Variants in KCNIP4 observed in about 807,000 individuals in gnomAD.
The protein encoded by KCNIP4 is potassium voltage-gated channel interacting protein 4, also known as Kv channel-interacting protein 4.
In KCNIP4, 12 loss-of-function variants were observed where a neutral mutation model predicts 34.0. The ratio of observed to expected loss-of-function variants is 0.35; its 90% CI spans 0.23 to 0.57. The LOEUF is 0.57. KCNIP4 is among the 20% of genes least tolerant of loss of function. The pLI is 0.83. For synonymous variants in KCNIP4, 124 were observed against 102.2 expected (o/e 1.21, Z -1.29); for missense variants, 238 against 311.7 (o/e 0.76, Z 1.78).
chr4:21,557,429 A>G (rs1739157046), intron 1 of KCNIP4, among the ~76,000 whole-genome samples: 4 of 152,176 alleles, frequency 2.6e-5, no homozygotes, highest in African/African-American at 7.2e-5. Flanking sequence ...TGACATGGCT[A>G]TGTAAAAAAC....
At chr4:21,116,196 G>C (rs1749661717) in intron 1 of KCNIP4, among the ~76,000 whole-genome samples, 1 of 152,172 alleles carries the variant, frequency 6.6e-6, no homozygotes, top group African/African-American at 2.4e-5. Context: ...CTTGAAGAGT[G>C]CCCTCCAAAC....
At chr4:21,708,849 T>C (rs1186245228) in intron 1 of KCNIP4, among the ~76,000 whole-genome samples, 1 of 152,156 alleles carries the variant, frequency 6.6e-6, no homozygotes, top group Non-Finnish European at 1.5e-5. Context: ...TTTTACAATA[T>C]TTTACATTGC....
chr4:21,093,970 T>C (rs1386795151), intron 1 of KCNIP4, among the ~76,000 whole-genome samples: 1 of 151,860 alleles, frequency 6.6e-6, no homozygotes, highest in Non-Finnish European at 1.5e-5. Context: ...TAGTCCCAGC[T>C]ACTCAGGAGG....
At chr4:21,775,779 G>C (rs907151926) in intron 1 of KCNIP4, among the ~76,000 whole-genome samples, 4 of 152,204 alleles carry the variant, frequency 2.6e-5, no homozygotes, top group Non-Finnish European at 5.9e-5. Flanking sequence ...CAAGCCTTGG[G>C]ACCAAGCCAT....
chr4:21,556,399 A>G lies in KCNIP4; in HGVS notation c.61+392172T>C, dbSNP rs140520820. On this transcript the variant is annotated intron_variant, in intron 1 of 8. Transcript: ENST00000382152. ...CCATTCCCACAGTTGATTACTTTTC[A>G]GAGATGAACAACAAAGTCAATGCTT... Among the ~76,000 whole-genome samples the G allele has an allele frequency of 1.8e-3, 275 of 152,298 alleles. 1 individual carries two copies. The highest frequency in any genetic ancestry group is 6.4e-3 in the African/African-American group (268 of 41,574).
chr4:21,153,515 G>GTATATATATATATATATA (rs59614946), intron 1 of KCNIP4, among the ~76,000 whole-genome samples: 2 of 140,906 alleles, frequency 1.4e-5, no homozygotes, highest in East Asian at 2.1e-4. Context: ...ATGTGTGTGT[G>GTATATATATATATATATA]TATATATATA....
intron 1 of KCNIP4, among the ~76,000 whole-genome samples, chr4:20,995,049 G>A (rs193155161): frequency 1.3e-5 from 2 of 152,172 alleles, no homozygotes; most frequent in Admixed American, 1.3e-4. Context: ...GATTTTCCTG[G>A]AGTAAGTTTA....
chr4:21,690,148 T>TAC (rs1023219502), intron 1 of KCNIP4, among the ~76,000 whole-genome samples: 4 of 147,844 alleles, frequency 2.7e-5, no homozygotes, highest in Admixed American at 1.4e-4. Flanking sequence ...TATATATATA[T>TAC]ACACACACAC....
rs142571219 is a variant in KCNIP4 at position 20,975,940 on chromosome 4, C to T, written c.62-93231G>A. On this transcript the variant is annotated intron_variant, in intron 1 of 8. Transcript: ENST00000382152. ...AATGTTTTATTAGAACATGGCCACA[C>T]CTATCTGTTTGCATATTATCTACGG... 4.2e-3 allele frequency among the ~76,000 whole-genome samples: 645 copies of T among 152,250 alleles called. 6 individuals carry two copies. Among genetic ancestry groups the T allele is most frequent in the African/African-American group, 0.014 (588 of 41,528 alleles).
At chr4:20,815,097 A>C (rs1352602369) in intron 3 of KCNIP4, among the ~76,000 whole-genome samples, 2 of 152,168 alleles carry the variant, frequency 1.3e-5, no homozygotes, top group Non-Finnish European at 2.9e-5. Context: ...CTGGCTGATC[A>C]ACTTAATCAT....
chr4:21,293,790 C>A (rs1763680534), intron 1 of KCNIP4, among the ~76,000 whole-genome samples: 1 of 152,144 alleles, frequency 6.6e-6, no homozygotes, highest in Admixed American at 6.5e-5. Flanking sequence ...TAAAATTGGG[C>A]ATGGAAGTTA....
chr4:21,686,773 T>A (rs986609545), intron 1 of KCNIP4, among the ~76,000 whole-genome samples: 9 of 152,104 alleles, frequency 5.9e-5, no homozygotes, highest in Non-Finnish European at 1.2e-4. Flanking sequence ...GTAGCCAAGA[T>A]CAGAAGTGAT....
intron 3 of KCNIP4, among the ~76,000 whole-genome samples, chr4:20,787,433 CT>C (rs2149400144): frequency 6.6e-6 from 1 of 152,098 alleles, no homozygotes; most frequent in Admixed American, 6.6e-5. Flanking sequence ...ATTTTCTTTT[CT>C]GTCTGCAATT....
intron 1 of KCNIP4, among the ~76,000 whole-genome samples, chr4:21,500,580 G>T (rs1016439243): frequency 1.3e-5 from 2 of 152,108 alleles, no homozygotes; most frequent in African/African-American, 4.8e-5. Flanking sequence ...CGTTATTAGA[G>T]ATTGATAAGT....
chr4:21,659,647 C>A (rs748720306), intron 1 of KCNIP4, among the ~76,000 whole-genome samples: 3 of 152,070 alleles, frequency 2.0e-5, no homozygotes, highest in Non-Finnish European at 4.4e-5. Flanking sequence ...AATTAAATTT[C>A]TGTGGCCTAG....
At chr4:20,743,611 A>G (rs958078519) in intron 5 of KCNIP4, among the ~76,000 whole-genome samples, 1 of 152,232 alleles carries the variant, frequency 6.6e-6, no homozygotes, top group Non-Finnish European at 1.5e-5. Flanking sequence ...CTTTATACAA[A>G]AATTAATTCA....
At chr4:21,808,426 T>C (rs559059386) in intron 1 of KCNIP4, among the ~76,000 whole-genome samples, 1 of 152,158 alleles carries the variant, frequency 6.6e-6, no homozygotes, top group Admixed American at 6.6e-5. Context: ...ATAGTAAATA[T>C]ATATTATTTT....
intron 3 of KCNIP4, among the ~76,000 whole-genome samples, chr4:20,771,892 G>A (rs113584736): frequency 0.095 from 14,443 of 152,024 alleles, 983 homozygotes; most frequent in African/African-American, 0.2. Flanking sequence ...GGATGGTCTC[G>A]ATCTCCTGAC....
chr4:21,896,351 A>G (rs1309293033), intron 1 of KCNIP4, among the ~76,000 whole-genome samples: 2 of 152,174 alleles, frequency 1.3e-5, no homozygotes. Flanking sequence ...CTGGTTTTAG[A>G]GACTACAGAA....
Sources: allele counts gnomAD v4.1 joint callset (sites outside exome capture counted in the v4.1 genomes callset), GRCh38; gene constraint gnomAD v4.1.1; transcripts MANE v1.5; gene names NCBI Gene and HGNC (gene_info 2026-07-23, HGNC 2026-07-21).